Variants in ERP44 observed in about 807,000 individuals in gnomAD.
ERP44 encodes the protein endoplasmic reticulum resident protein 44.
In ERP44, 25 loss-of-function variants were observed where a neutral mutation model predicts 53.4. That is an observed-to-expected ratio of 0.47 (90% CI 0.34 to 0.65). The LOEUF (loss-of-function observed/expected upper bound fraction) is 0.65. Among genes scored for constraint, ERP44 ranks in the 30% least tolerant of loss-of-function variants. The probability of loss-of-function intolerance (pLI) is 0.01; values close to 1 mark genes in which losing one functional copy is unlikely to be tolerated. For missense variants in ERP44, 338 were observed against 493.2 expected (o/e 0.69, Z 2.98); for synonymous variants, 145 against 161.2 (o/e 0.90, Z 0.76).
chr9:99,991,829 G>A (rs2118607649), intron 10 of ERP44, among the ~76,000 whole-genome samples: 1 of 152,224 alleles, frequency 6.6e-6, no homozygotes, highest in South Asian at 2.1e-4. Context: ...AAATGATAAA[G>A]GGGATATCAC....
At chr9:100,035,807 G>T (rs913227562) in intron 4 of ERP44, among the ~76,000 whole-genome samples, 1 of 152,042 alleles carries the variant, frequency 6.6e-6, no homozygotes. Flanking sequence ...GCTTATTATC[G>T]CTAATCATCA....
intron 10 of ERP44, among the ~76,000 whole-genome samples, chr9:99,996,406 C>T (rs1413247236): frequency 6.6e-6 from 1 of 152,188 alleles, no homozygotes; most frequent in African/African-American, 2.4e-5. Flanking sequence ...CCAGAAGCTA[C>T]ACAGATGCAG....
intron 4 of ERP44, among the ~76,000 whole-genome samples, chr9:100,022,593 T>G (rs979884608): frequency 2.0e-5 from 3 of 152,140 alleles, no homozygotes; most frequent in African/African-American, 7.2e-5. Flanking sequence ...ACATGAATAA[T>G]GACTACAAAA....
intron 8 of ERP44, among the ~76,000 whole-genome samples, chr9:100,015,284 CAA>C (rs1830516143): frequency 6.6e-6 from 1 of 152,164 alleles, no homozygotes; most frequent in Non-Finnish European, 1.5e-5. Flanking sequence ...TATGCATACA[CAA>C]AGTTTTTAAA....
intron 1 of ERP44, among the ~76,000 whole-genome samples, chr9:100,087,718 G>C (rs1826501203): frequency 6.6e-6 from 1 of 152,048 alleles, no homozygotes; most frequent in South Asian, 2.1e-4. Flanking sequence ...TAAGCATGTG[G>C]TATCTTTTCT....
chr9:100,014,701 A>G (rs1259177944), intron 8 of ERP44, among the ~76,000 whole-genome samples: 2 of 152,236 alleles, frequency 1.3e-5, no homozygotes, highest in Non-Finnish European at 2.9e-5. Flanking sequence ...ATTTGTTTAC[A>G]TATTGTCTAA....
intron 1 of ERP44, among the ~76,000 whole-genome samples, chr9:100,084,571 G>T (rs1316120489): frequency 2.6e-5 from 4 of 152,124 alleles, no homozygotes; most frequent in Admixed American, 1.3e-4. Flanking sequence ...TCTCTTAAAA[G>T]AAATTGTGCC....
chr9:100,048,597 C>G (rs1826002702), intron 4 of ERP44, among the ~76,000 whole-genome samples: 1 of 152,132 alleles, frequency 6.6e-6, no homozygotes, highest in Non-Finnish European at 1.5e-5. Flanking sequence ...CCATTATTCA[C>G]AATAGCCAAG....
intron 6 of ERP44, 86 bp downstream of exon 6, chr9:100,020,530 T>C (rs1435500581): frequency 2.2e-5 from 15 of 696,560 alleles, no homozygotes; most frequent in Non-Finnish European, 3.9e-5. Flanking sequence ...TTTGGAAAGA[T>C]CATCTTCAGG....
intron 4 of ERP44, among the ~76,000 whole-genome samples, chr9:100,035,583 G>A (rs1341397585): frequency 6.6e-6 from 1 of 152,146 alleles, no homozygotes; most frequent in African/African-American, 2.4e-5. Flanking sequence ...GCTGAGGCAG[G>A]AGAATTGCTT....
At chr9:100,046,838 C>G (rs575221012) in intron 4 of ERP44, among the ~76,000 whole-genome samples, 1 of 152,062 alleles carries the variant, frequency 6.6e-6, no homozygotes, top group Non-Finnish European at 1.5e-5. Context: ...AAAAAAAGTA[C>G]AAAGTTGAAA....
chr9:100,094,307 T>G (rs1441845257), intron 1 of ERP44, among the ~76,000 whole-genome samples: 3 of 151,700 alleles, frequency 2.0e-5, no homozygotes. Context: ...TACAAATAGC[T>G]TGTACCTTTA....
chr9:100,046,686 A>G (rs1197482500), intron 4 of ERP44, among the ~76,000 whole-genome samples: 3 of 152,168 alleles, frequency 2.0e-5, no homozygotes, highest in Admixed American at 2.0e-4. Context: ...TAAAATAACA[A>G]TTTCCCACAA....
chr9:99,991,778 TA>T (rs1162923230), intron 10 of ERP44, among the ~76,000 whole-genome samples: 2 of 151,042 alleles, frequency 1.3e-5, no homozygotes, highest in Non-Finnish European at 3.0e-5. Context: ...GCAAGACTAA[TA>T]AAGAAGAAAA....
rs568551370 is a variant in ERP44 at position 100,076,791 on chromosome 9, G to A, written c.58-16619C>T. ...CCAACGGGTGACTTCGGCAGAGGAG[G>A]ATTTTAATAACCAAGTGGATAGGAT... is the stretch of plus-strand genomic sequence containing the variant. On this transcript the variant is annotated intron_variant, in intron 1 of 11. Coordinates refer to ENST00000262455, the MANE Select transcript of ERP44 (RefSeq NM_015051.3). 4.5e-4 allele frequency among the ~76,000 whole-genome samples: 69 copies of A among 152,312 alleles called. 1 individual carries two copies. In the South Asian group the frequency reaches 9.7e-3, roughly 21 times the overall value.
At chr9:100,065,392 T>A (rs1410079870) in intron 1 of ERP44, among the ~76,000 whole-genome samples, 2 of 152,114 alleles carry the variant, frequency 1.3e-5, no homozygotes, top group Non-Finnish European at 2.9e-5. Flanking sequence ...AATTGCCTAA[T>A]GACACATTTC....
intron 1 of ERP44, among the ~76,000 whole-genome samples, chr9:100,065,487 CAA>C (rs527472275): frequency 2.7e-5 from 4 of 150,200 alleles, no homozygotes; most frequent in African/African-American, 2.4e-5. Flanking sequence ...ATTCTCACAA[CAA>C]AAAAAAATAA....
At chr9:100,049,291 G>A (rs988955745) in intron 4 of ERP44, among the ~76,000 whole-genome samples, 2 of 152,206 alleles carry the variant, frequency 1.3e-5, no homozygotes, top group Non-Finnish European at 2.9e-5. Flanking sequence ...ATGCTACTTG[G>A]GGGGCTGTGG....
intron 1 of ERP44, among the ~76,000 whole-genome samples, chr9:100,069,331 A>G (rs969551539): frequency 8.7e-6 from 1 of 115,424 alleles, no homozygotes; most frequent in Admixed American, 1.1e-4. Context: ...AAAAAAGAAA[A>G]AAGAAAAGAA....
Sources: allele counts gnomAD v4.1 joint callset (sites outside exome capture counted in the v4.1 genomes callset), GRCh38; gene constraint gnomAD v4.1.1; transcripts MANE v1.5; gene names NCBI Gene and HGNC (gene_info 2026-07-23, HGNC 2026-07-21).